Variants in THSD7B observed in about 807,000 individuals in gnomAD.
THSD7B encodes thrombospondin type-1 domain-containing protein 7B.
Under a neutral mutation model 213.6 loss-of-function variants are expected in THSD7B, and 138 were observed. That is an observed-to-expected ratio of 0.65 (90% CI 0.56 to 0.74). THSD7B has a LOEUF of 0.74. Among genes scored for constraint, THSD7B ranks in the 30% least tolerant of loss-of-function variants. The pLI, the probability that THSD7B is intolerant of heterozygous loss-of-function variation, is 0.00. For synonymous variants in THSD7B, 742 were observed against 687.0 expected (o/e 1.08, Z -1.25); for missense variants, 1,931 against 1,991.5 (o/e 0.97, Z 0.58).
At position 137,405,714 on chromosome 2, in the gene THSD7B, T is replaced by C. The variant is rs567921353; in HGVS notation, c.2602T>C (p.Cys868Arg). 1.5e-5 allele frequency: 24 copies of C among 1,613,718 alleles called. No individual in the cohort carries two copies. The African/African-American group carries it at 2.8e-4, about 19-fold the overall frequency. ...CCTTGTGCAAGAATGCACAGTCCCA[T>C]GTCGAGAAGACTGCACCTTCACTGC... Reference protein sequence around the residue: ...PLLVQECTVPCREDCTFTAWS... With the variant: ...PLLVQECTVPRREDCTFTAWS... The change falls in exon 13 of 28, where the codon TGT (cysteine) becomes CGT (arginine). Residue 868 changes from cysteine to arginine, a missense_variant. Transcript: ENST00000409968.
At chr2:136,946,698 C>T (rs1573726831) in intron 2 of THSD7B, among the ~76,000 whole-genome samples, 1 of 152,288 alleles carries the variant, frequency 6.6e-6, no homozygotes, top group Non-Finnish European at 1.5e-5. Context: ...TGGTGGACAC[C>T]CCTCCGCCTG....
chr2:136,887,147 T>A (rs1683732279), intron 2 of THSD7B, among the ~76,000 whole-genome samples: 1 of 152,320 alleles, frequency 6.6e-6, no homozygotes, highest in East Asian at 1.9e-4. Flanking sequence ...GTGATATTAG[T>A]ACATCACAGT....
At chr2:137,135,694 A>G (rs888706813) in intron 5 of THSD7B, among the ~76,000 whole-genome samples, 2 of 152,156 alleles carry the variant, frequency 1.3e-5, no homozygotes, top group African/African-American at 4.8e-5. Context: ...GTTGGTCCCT[A>G]CTTTTAACCC....
At chr2:137,025,143 T>G (rs1686524336) in intron 2 of THSD7B, among the ~76,000 whole-genome samples, 1 of 152,194 alleles carries the variant, frequency 6.6e-6, no homozygotes, top group Non-Finnish European at 1.5e-5. Context: ...TTCATGAAGC[T>G]GGGAAGATCC....
chr2:137,527,510 G>T (rs1380293141), intron 15 of THSD7B, among the ~76,000 whole-genome samples: 3 of 151,926 alleles, frequency 2.0e-5, no homozygotes, highest in Non-Finnish European at 2.9e-5. Flanking sequence ...TGAACATTGT[G>T]GTTATTTGCT....
chr2:136,992,074 C>T (rs148415289), intron 2 of THSD7B, among the ~76,000 whole-genome samples: 1 of 152,150 alleles, frequency 6.6e-6, no homozygotes, highest in South Asian at 2.1e-4. Context: ...GTCTCTCTTG[C>T]CCAACACACC....
At chr2:136,773,044 G>A (rs1192737828) in intron 1 of THSD7B, among the ~76,000 whole-genome samples, 1 of 152,048 alleles carries the variant, frequency 6.6e-6, no homozygotes, top group Non-Finnish European at 1.5e-5. Context: ...CTCATTCCAG[G>A]AATGAGCTTT....
chr2:137,225,787 T>G (rs531252248), intron 7 of THSD7B, among the ~76,000 whole-genome samples: 1,879 of 146,764 alleles, frequency 0.013, 41 homozygotes, highest in African/African-American at 0.044. Context: ...ATGTATTTCC[T>G]ATATGTGTAA....
At position 137,056,873 on chromosome 2, in the gene THSD7B, A is replaced by T. The variant is rs368878387; in HGVS notation, c.593A>T (p.Lys198Ile). The T allele has an allele frequency of 6.2e-7, 1 of 1,613,942 alleles. No individual in the cohort carries two copies. Among genetic ancestry groups the T allele is most frequent in the African/African-American group, 1.3e-5 (1 of 75,042 alleles). Residue 198 changes from lysine to isoleucine, a missense_variant, in exon 3 of 28, where the codon AAA (lysine) becomes ATA (isoleucine). Transcript: ENST00000409968. ...WSNCSKGCGK[K>I]LQHRTRAVIA... is the part of the protein sequence containing the mutation. The stretch of plus-strand genomic sequence containing the variant: ...AACTGTAGCAAGGGATGTGGGAAGA[A>T]ATTGCAGCATAGAACTCGCGCGGTC...
At chr2:137,665,666 A>G (rs1683431825) in intron 26 of THSD7B, among the ~76,000 whole-genome samples, 1 of 152,068 alleles carries the variant, frequency 6.6e-6, no homozygotes, top group Admixed American at 6.6e-5. Context: ...TTATATGCAC[A>G]TATACTAAAA....
At chr2:137,125,775 C>T (rs573574854) in intron 5 of THSD7B, among the ~76,000 whole-genome samples, 1 of 152,250 alleles carries the variant, frequency 6.6e-6, no homozygotes, top group South Asian at 2.1e-4. Flanking sequence ...GCAGGTGTAG[C>T]CTTACACAAA....
At chr2:137,309,039 G>T (rs889741436) in intron 12 of THSD7B, among the ~76,000 whole-genome samples, 2 of 152,072 alleles carry the variant, frequency 1.3e-5, no homozygotes, top group Non-Finnish European at 2.9e-5. Context: ...TCAAAGAGCA[G>T]GAATCTATAA....
At chr2:137,239,028 G>A (rs746996028) in intron 9 of THSD7B, among the ~76,000 whole-genome samples, 6 of 152,056 alleles carry the variant, frequency 3.9e-5, no homozygotes, top group Admixed American at 6.5e-5. Context: ...TTATCAAAGC[G>A]TTACGTGTTT....
chr2:137,525,405 G>A (rs1161600374), intron 15 of THSD7B, among the ~76,000 whole-genome samples: 1 of 152,108 alleles, frequency 6.6e-6, no homozygotes, highest in East Asian at 1.9e-4. Flanking sequence ...GGCAGTTTAT[G>A]AGCATCCCTT....
chr2:136,998,261 C>CAAAAAA (rs33931359), intron 2 of THSD7B, among the ~76,000 whole-genome samples: 3 of 98,400 alleles, frequency 3.0e-5, no homozygotes, highest in Admixed American at 1.1e-4. Context: ...ACTAAAAGGC[C>CAAAAAA]AAAAAAAAAA....
intron 2 of THSD7B, among the ~76,000 whole-genome samples, chr2:136,904,473 C>A (rs1318430082): frequency 6.6e-6 from 1 of 152,154 alleles, no homozygotes; most frequent in East Asian, 1.9e-4. Flanking sequence ...GAGACAGGGG[C>A]ATGTTCTGGT....
At chr2:137,264,458 C>T (rs894652671) in intron 10 of THSD7B, among the ~76,000 whole-genome samples, 7 of 152,128 alleles carry the variant, frequency 4.6e-5, no homozygotes, top group Admixed American at 6.5e-5. Context: ...CTGTGTTAGC[C>T]GGGATGGTCT....
intron 17 of THSD7B, among the ~76,000 whole-genome samples, chr2:137,603,149 C>CTCA (rs1401381124): frequency 2.0e-5 from 3 of 152,180 alleles, no homozygotes; most frequent in Non-Finnish European, 4.4e-5. Flanking sequence ...CTCCCCTCGC[C>CTCA]TGAGTATCCC....
intron 15 of THSD7B, among the ~76,000 whole-genome samples, chr2:137,515,688 G>A (rs751902106): frequency 2.6e-4 from 40 of 152,160 alleles, no homozygotes; most frequent in Admixed American, 1.9e-3. Flanking sequence ...ATTTTATGTT[G>A]CAGCTCAGGG....
Sources: gnomAD v4.1 joint callset for allele counts (sites outside exome capture counted in the v4.1 genomes callset) on GRCh38, gnomAD v4.1.1 for gene constraint, MANE v1.5 for transcripts, NCBI Gene and HGNC (gene_info 2026-07-23, HGNC 2026-07-21) for gene names.